CHST1: variants seen among roughly 807,000 people sequenced by gnomAD.
CHST1 encodes the protein carbohydrate sulfotransferase 1.
Under a neutral mutation model 22.5 loss-of-function variants are expected in CHST1, and 10 were observed. That is an observed-to-expected ratio of 0.44 (90% CI 0.27 to 0.75). The LOEUF (loss-of-function observed/expected upper bound fraction) is 0.75, where lower values mean the gene tolerates loss of function less well. CHST1 is among the 30% of genes least tolerant of loss of function. The pLI, the probability that CHST1 is intolerant of heterozygous loss-of-function variation, is 0.15. For missense variants in CHST1, 439 were observed against 576.1 expected (o/e 0.76, Z 2.44); for synonymous variants, 267 against 264.5 (o/e 1.01, Z -0.09).
At chr11:45,653,126 A>G (rs1483092077) in intron 1 of CHST1, among the ~76,000 whole-genome samples, 2 of 152,132 alleles carry the variant, frequency 1.3e-5, no homozygotes, top group East Asian at 3.9e-4. Flanking sequence ...CCCACACCCC[A>G]CTATTTGACG....
intron 1 of CHST1, among the ~76,000 whole-genome samples, chr11:45,661,692 C>T (rs1473870971): frequency 1.3e-5 from 2 of 152,234 alleles, no homozygotes; most frequent in African/African-American, 4.8e-5. Context: ...GGCTTTGCAG[C>T]TCTGACAGCT....
chr11:45,655,158 T>C (rs1852046939), intron 1 of CHST1, among the ~76,000 whole-genome samples: 1 of 152,186 alleles, frequency 6.6e-6, no homozygotes, highest in Non-Finnish European at 1.5e-5. Flanking sequence ...GCCTCTATGT[T>C]CGCATATGCA....
At chr11:45,662,029 A>G (rs1852139563) in intron 1 of CHST1, among the ~76,000 whole-genome samples, 1 of 152,210 alleles carries the variant, frequency 6.6e-6, no homozygotes, top group African/African-American at 2.4e-5. Flanking sequence ...GCTGGGAACA[A>G]TTGAGCACTA....
chr11:45,651,179 C>T, intron 3 of CHST1: 1 of 386,204 alleles, frequency 2.6e-6, no homozygotes, highest in Non-Finnish European at 4.6e-6. Flanking sequence ...ATTCCTTGCA[C>T]CCCAGGATTT....
rs755655993 is a variant in CHST1 at position 45,650,552 on chromosome 11, C to T, written c.372G>A (p.Leu124=). ...RVMLGASRDL[L]RSLYDCDLYF... is the part of the protein sequence containing the mutation. ...AGAGGTCGCAGTCGTAGAGGCTCCG[C>T]AGGAGGTCGCGGCTGGCGCCTAGCA... The change falls in exon 4 of 4, where the codon CTG becomes CTA. Residue 124 remains leucine, a synonymous_variant. Transcript: ENST00000308064. 2 of 1,613,968 alleles carry T rather than the reference C, an allele frequency of 1.2e-6. No homozygotes were observed. The highest frequency in any genetic ancestry group is 1.7e-6 in the Non-Finnish European group (2 of 1,179,984).
At chr11:45,662,240 C>A (rs1408450903) in intron 1 of CHST1, among the ~76,000 whole-genome samples, 2 of 152,294 alleles carry the variant, frequency 1.3e-5, no homozygotes, top group African/African-American at 2.4e-5. Flanking sequence ...GCCTGGACCT[C>A]TTCTGCTCCT....
chr11:45,649,720 C>A lies in CHST1; in HGVS notation c.1204G>T (p.Val402Leu). The change falls in exon 4 of 4, where the codon GTG becomes TTG. Residue 402 changes from valine (V) to leucine (L), a missense_variant. Coordinates refer to ENST00000308064, the MANE Select transcript of CHST1 (RefSeq NM_003654.6). ...EELKNPSVSL[V>L]EERDFRPFS ...AAGGGGCGGAAGTCCCGCTCCTCCACCAGGCTGACCGAGGGGTTCTTCAGC... is the reference window on the plus strand; with the variant it reads ...AAGGGGCGGAAGTCCCGCTCCTCCAACAGGCTGACCGAGGGGTTCTTCAGC... The A allele has an allele frequency of 6.3e-7, 1 of 1,597,576 alleles. No individual in the cohort carries two copies. The highest frequency in any genetic ancestry group is 1.1e-5 in the South Asian group (1 of 89,888).
At chr11:45,661,139 G>A (rs148499868) in intron 1 of CHST1, among the ~76,000 whole-genome samples, 69 of 152,306 alleles carry the variant, frequency 4.5e-4, no homozygotes, top group African/African-American at 1.4e-3. Flanking sequence ...TTGATACAGC[G>A]CCTCGAGTAA....
chr11:45,657,143 G>A (rs1444331851), intron 1 of CHST1, among the ~76,000 whole-genome samples: 1 of 152,122 alleles, frequency 6.6e-6, no homozygotes, highest in Non-Finnish European at 1.5e-5. Flanking sequence ...AGGGAGGGAG[G>A]AGCTGGCGAA....
intron 1 of CHST1, among the ~76,000 whole-genome samples, chr11:45,662,654 G>A (rs766328569): frequency 6.6e-6 from 1 of 152,226 alleles, no homozygotes; most frequent in Non-Finnish European, 1.5e-5. Context: ...ACCATTCTAA[G>A]TGTGTCTCAT....
At chr11:45,654,145 T>A (rs974735674) in intron 1 of CHST1, among the ~76,000 whole-genome samples, 1 of 152,200 alleles carries the variant, frequency 6.6e-6, no homozygotes, top group African/African-American at 2.4e-5. Flanking sequence ...AGGGTTTTAT[T>A]TAAAGAGAAA....
chr11:45,657,622 G>A (rs1192907446), intron 1 of CHST1, among the ~76,000 whole-genome samples: 1 of 152,208 alleles, frequency 6.6e-6, no homozygotes, highest in African/African-American at 2.4e-5. Context: ...TCATGGGACA[G>A]TGTCCTAGAG....
rs377231828 is a variant in CHST1 at position 45,650,958 on chromosome 11, G to A, written c.-35C>T. 38 of 1,515,366 alleles carry A rather than the reference G, an allele frequency of 2.5e-5. No individual in the cohort carries two copies. Among genetic ancestry groups the A allele is most frequent in the Non-Finnish European group, 3.2e-5 (36 of 1,133,494 alleles). The allele number at this position is 1,515,366 out of a possible 1,614,324, so 93.9% of individuals were successfully genotyped here. ...CCTTCATGGGGCTGCTTCTCCAAGG[G>A]GTGAGGTCTGTGGGCAAAGGCGGCC... is the stretch of plus-strand genomic sequence containing the variant. On this transcript the variant is annotated 5_prime_UTR_variant, in exon 4 of 4. Transcript: ENST00000308064.
At chr11:45,661,384 A>G (rs1206951480) in intron 1 of CHST1, among the ~76,000 whole-genome samples, 4 of 152,218 alleles carry the variant, frequency 2.6e-5, no homozygotes, top group Non-Finnish European at 5.9e-5. Context: ...CGTTAATGAA[A>G]TTTGCAGAGG....
At chr11:45,658,837 C>G (rs986530227) in intron 1 of CHST1, among the ~76,000 whole-genome samples, 3 of 152,124 alleles carry the variant, frequency 2.0e-5, no homozygotes, top group Non-Finnish European at 4.4e-5. Flanking sequence ...GGAATAGTAC[C>G]GAGGCCCCAC....
rs977622491 is a variant in CHST1, at chr11:45,650,904, G to A, written c.20C>T (p.Ala7Val). 4 of 1,538,970 alleles carry A rather than the reference G, an allele frequency of 2.6e-6. No individual in the cohort carries two copies. The highest frequency in any genetic ancestry group is 3.5e-6 in the Non-Finnish European group (4 of 1,142,040). ...GGAGGCCAGGGCAAGGAGGAGGACG[G>A]CCTTCCAGGAACATTGCATGGCTGG... MQCSWK[A>V]VLLLALASIA... The change falls in exon 4 of 4, where the codon GCC becomes GTC. Residue 7 changes from alanine (A) to valine (V), a missense_variant. Coordinates refer to ENST00000308064, the MANE Select transcript of CHST1 (RefSeq NM_003654.6).
At position 45,650,516 on chromosome 11, in the gene CHST1, C is replaced by G; in HGVS notation, c.408G>C (p.Glu136Asp). The change falls in exon 4 of 4, where the codon GAG becomes GAC. Residue 136 changes from glutamate (E) to aspartate (D), a missense_variant. By Grantham distance (45) the Glu-to-Asp change is conservative. Transcript: ENST00000308064. ...TGACCGGCGGCGGCTTGATGTAGTT[C>G]TCCAGGAAGTAGAGGTCGCAGTCGT... ...SLYDCDLYFLENYIKPPPVNH... is the reference protein window; with the variant it reads ...SLYDCDLYFLDNYIKPPPVNH... The G allele has an allele frequency of 6.2e-7, 1 of 1,613,892 alleles. No individual in the cohort carries two copies. Among genetic ancestry groups the G allele is most frequent in the Non-Finnish European group, 8.5e-7 (1 of 1,179,962 alleles).
At chr11:45,654,938 TG>T (rs1852044031) in intron 1 of CHST1, among the ~76,000 whole-genome samples, 1 of 152,176 alleles carries the variant, frequency 6.6e-6, no homozygotes, top group Non-Finnish European at 1.5e-5. Flanking sequence ...TGTGTGGGCG[TG>T]GGTGATTCAC....
In CHST1 at chr11:45,649,724, G is replaced by T; in HGVS notation, c.1200C>A (p.Ser400Arg). 1.3e-6 allele frequency: 2 copies of T among 1,599,552 alleles called. No homozygotes were observed. The highest frequency in any genetic ancestry group is 2.2e-5 in the East Asian group (1 of 44,696). ...GGCGGAAGTCCCGCTCCTCCACCAG[G>T]CTGACCGAGGGGTTCTTCAGCTCCT... ...SEEELKNPSVSLVEERDFRPF... is the reference protein window; with the variant it reads ...SEEELKNPSVRLVEERDFRPF... Residue 400 changes from serine to arginine, a missense_variant, in exon 4 of 4, where the codon AGC becomes AGA. Ser to Arg is a moderately radical substitution (Grantham distance 110, BLOSUM62 -1). Coordinates refer to ENST00000308064, the MANE Select transcript of CHST1 (RefSeq NM_003654.6).
Sources: gnomAD v4.1 joint callset for allele counts (sites outside exome capture counted in the v4.1 genomes callset) on GRCh38, gnomAD v4.1.1 for gene constraint, MANE v1.5 for transcripts, NCBI Gene and HGNC (gene_info 2026-07-23, HGNC 2026-07-21) for gene names.